The following FMNL2 variants were observed in gnomAD, a reference collection of about 807,000 sequenced individuals.
FMNL2 encodes the protein formin-like protein 2.
Under a neutral mutation model 130.2 loss-of-function variants are expected in FMNL2, and 51 were observed. The ratio of observed to expected loss-of-function variants is 0.39; its 90% CI spans 0.31 to 0.49. The LOEUF is 0.49. FMNL2 is among the 20% of genes least tolerant of loss of function. The pLI is 0.85. For synonymous variants in FMNL2, 465 were observed against 467.1 expected, an observed-to-expected ratio of 1.00 and a Z score of 0.06; for missense variants, 977 against 1,316.2, an observed-to-expected ratio of 0.74 and a Z score of 3.99.
At chr2:152,336,183 C>T (rs2105702584) in intron 1 of FMNL2, among the ~76,000 whole-genome samples, 1 of 152,268 alleles carries the variant, frequency 6.6e-6, no homozygotes, top group African/African-American at 2.4e-5. Flanking sequence ...AAGTCCCCGG[C>T]AGATGGGGCG....
In FMNL2 at chr2:152,560,946, T is replaced by G. The variant is rs1695487433; in HGVS notation, c.507T>G (p.Ser169Arg). ...CGGTGGACAAATCAAAGCCCTGGAG[T>G]AGGTCCATCGAGGACCTGCACAGAG... ...ESSVDKSKPW[S>R]RSIEDLHRGS... The change falls in exon 6 of 26, where the codon AGT (serine) becomes AGG (arginine). Residue 169 changes from serine (S) to arginine (R), a missense_variant. By Grantham distance (110) the Ser-to-Arg change is moderately radical. Transcript: ENST00000288670. 4 of 1,600,886 alleles carry G rather than the reference T, an allele frequency of 2.5e-6. No homozygotes were observed. Among genetic ancestry groups the G allele is most frequent in the Non-Finnish European group, 3.4e-6 (4 of 1,175,284 alleles).
chr2:152,425,878 A>G (rs1391949629), intron 1 of FMNL2, among the ~76,000 whole-genome samples: 1 of 152,180 alleles, frequency 6.6e-6, no homozygotes, highest in African/African-American at 2.4e-5. Flanking sequence ...TGGTATGAGC[A>G]CTTCAGGAAA....
At chr2:152,351,775 C>T (rs1032322275) in intron 1 of FMNL2, among the ~76,000 whole-genome samples, 1 of 152,180 alleles carries the variant, frequency 6.6e-6, no homozygotes, top group Non-Finnish European at 1.5e-5. Context: ...GGAATCACCA[C>T]ACTGTCTTCC....
chr2:152,363,118 G>A (rs1045790873), intron 1 of FMNL2, among the ~76,000 whole-genome samples: 7 of 152,174 alleles, frequency 4.6e-5, no homozygotes, highest in Non-Finnish European at 8.8e-5. Context: ...GGTGGTGATG[G>A]TTGCATAACT....
intron 1 of FMNL2, among the ~76,000 whole-genome samples, chr2:152,355,802 C>T (rs7588008): frequency 0.096 from 14,575 of 152,198 alleles, 851 homozygotes; most frequent in African/African-American, 0.16. Flanking sequence ...CTCTGTAGCA[C>T]GTGTATTTCA....
rs574358045 is a variant in FMNL2 at position 152,579,707 on chromosome 2, A to G, written c.782+743A>G. ...GGCAAGACTCTGTCTCAAAAAATAA[A>G]GAAAGAAAGAAATAGAAAAATAAAA... is the stretch of plus-strand genomic sequence containing the variant. On this transcript the variant is annotated intron_variant, in intron 8 of 25. Transcript: ENST00000288670. Among the ~76,000 whole-genome samples the G allele has an allele frequency of 5.0e-4, 76 of 152,180 alleles. 1 individual carries two copies. Among genetic ancestry groups the G allele is most frequent in the Non-Finnish European group, 7.6e-4 (52 of 68,016 alleles).
intron 1 of FMNL2, among the ~76,000 whole-genome samples, chr2:152,483,280 A>G (rs1690633756): frequency 6.6e-6 from 1 of 152,202 alleles, no homozygotes; most frequent in Admixed American, 6.5e-5. Flanking sequence ...CTGGAAAGTC[A>G]TCATTTCCTT....
chr2:152,592,758 A>G (rs1697508070), intron 9 of FMNL2, among the ~76,000 whole-genome samples: 1 of 152,240 alleles, frequency 6.6e-6, no homozygotes, highest in African/African-American at 2.4e-5. Context: ...CGTCTCTAGT[A>G]AATGGCAACT....
chr2:152,335,439 G>T lies in FMNL2; in HGVS notation c.-165G>T. ...GCCGGGGGGCGGCTCGGCTTGGAGC[G>T]CTGCTAGGGAGCGGTGCGCGCCGCA... On this transcript the variant is annotated 5_prime_UTR_variant, in exon 1 of 26. Coordinates refer to ENST00000288670, the MANE Select transcript of FMNL2 (RefSeq NM_052905.4). 2 of 354,524 alleles carry T rather than the reference G, an allele frequency of 5.6e-6. No homozygotes were observed. 22.0% of individuals were successfully genotyped at this position (354,524 alleles called of 1,614,324 possible). A position where few individuals can be genotyped will look rare whatever the true frequency, so the allele number is the denominator to read the frequency against.
At chr2:152,619,362 G>A in intron 14 of FMNL2, 147 bp from the exon 15 acceptor site, 2 of 1,368,652 alleles carry the variant, frequency 1.5e-6, no homozygotes, top group Admixed American at 5.5e-5. Context: ...TTTCCCACAT[G>A]TCAATGAGGA....
chr2:152,488,636 A>G (rs926559381), intron 1 of FMNL2, among the ~76,000 whole-genome samples: 1 of 152,216 alleles, frequency 6.6e-6, no homozygotes, highest in South Asian at 2.1e-4. Flanking sequence ...ACCTGTGTGT[A>G]TGTATATATG....
At chr2:152,427,465 T>G (rs1223113484) in intron 1 of FMNL2, among the ~76,000 whole-genome samples, 1 of 152,190 alleles carries the variant, frequency 6.6e-6, no homozygotes, top group Non-Finnish European at 1.5e-5. Context: ...GAGAATCGCT[T>G]GAACCCTGGA....
intron 1 of FMNL2, among the ~76,000 whole-genome samples, chr2:152,484,976 C>G (rs1027734510): frequency 6.6e-6 from 1 of 152,292 alleles, no homozygotes; most frequent in East Asian, 1.9e-4. Context: ...TGGTCATTTT[C>G]AAGGTTGTTC....
intron 1 of FMNL2, among the ~76,000 whole-genome samples, chr2:152,478,330 C>T (rs908000411): frequency 2.7e-5 from 4 of 147,946 alleles, no homozygotes; most frequent in Non-Finnish European, 5.9e-5. Context: ...GGCTCACTCC[C>T]GGGTTCAAGT....
intron 1 of FMNL2, among the ~76,000 whole-genome samples, chr2:152,504,407 C>T (rs1409202464): frequency 2.6e-5 from 4 of 151,914 alleles, no homozygotes; most frequent in Non-Finnish European, 2.9e-5. Flanking sequence ...CCACCACGAC[C>T]GGCTAATTTT....
chr2:152,640,042 C>G lies in FMNL2; in HGVS notation c.3031C>G (p.Gln1011Glu). 6.4e-7 allele frequency: 1 copy of G among 1,552,376 alleles called. No homozygotes were observed. The highest frequency in any genetic ancestry group is 1.7e-4 in the Middle Eastern group (1 of 5,980). Residue 1011 changes from glutamine (Q) to glutamate (E), a missense_variant, in exon 24 of 26, where the codon CAG becomes GAG. This residue lies in a region of FMNL2 where 168 missense variants were observed against 168.8 expected (regional missense o/e 1.00). Coordinates refer to ENST00000288670, the MANE Select transcript of FMNL2 (RefSeq NM_052905.4). ...CCTAGAGCAAGAAGCTCTGATGGAG[C>G]AGCAGGATCCAAAGGTAAGAAGTGC... is the stretch of plus-strand genomic sequence containing the variant. ...KLLEQEALMEQQDPKSPSHKS... is the reference protein window; with the variant it reads ...KLLEQEALMEEQDPKSPSHKS...
At chr2:152,452,798 C>T (rs931827526) in intron 1 of FMNL2, among the ~76,000 whole-genome samples, 2 of 152,154 alleles carry the variant, frequency 1.3e-5, no homozygotes, top group African/African-American at 2.4e-5. Flanking sequence ...GGAGGGCTGT[C>T]GTACCAGGTG....
intron 11 of FMNL2, among the ~76,000 whole-genome samples, chr2:152,613,249 A>G (rs111682121): frequency 2.1e-3 from 318 of 152,294 alleles, no homozygotes; most frequent in Non-Finnish European, 3.7e-3. Context: ...TTTTTCTCCT[A>G]TGCTCTAAAA....
chr2:152,627,198 C>T (rs1681851581), intron 17 of FMNL2, among the ~76,000 whole-genome samples: 1 of 152,138 alleles, frequency 6.6e-6, no homozygotes, highest in South Asian at 2.1e-4. Flanking sequence ...AGTTCAATGC[C>T]AGATGCAAAT....
Sources: gnomAD v4.1 joint callset for allele counts (sites outside exome capture counted in the v4.1 genomes callset) on GRCh38, gnomAD v4.1.1 for gene constraint, gnomAD v4.1.1 regional missense constraint, MANE v1.5 for transcripts, NCBI Gene and HGNC (gene_info 2026-07-23, HGNC 2026-07-21) for gene names.